ACSS1: variants seen among roughly 807,000 people sequenced by gnomAD.
ACSS1 encodes the protein acetyl-coenzyme A synthetase 2-like, mitochondrial.
ACSS1 carries 42 observed loss-of-function variants against 75.3 expected under a neutral mutation model. The observed-to-expected ratio is 0.56, with a 90% CI of 0.44 to 0.72. The LOEUF is 0.72. Among genes scored for constraint, ACSS1 ranks in the 30% least tolerant of loss-of-function variants. The pLI is 0.00. For synonymous variants in ACSS1, 380 were observed against 376.8 expected (o/e 1.01, Z -0.10); for missense variants, 782 against 935.7 (o/e 0.84, Z 2.14).
At chr20:25,033,622 C>A (rs1600332533) in intron 2 of ACSS1, among the ~76,000 whole-genome samples, 1 of 152,354 alleles carries the variant, frequency 6.6e-6, no homozygotes, top group East Asian at 1.9e-4. Context: ...CCATTCTAGG[C>A]ACCTTGGGAG....
chr20:25,026,430 G>T (rs138385560), intron 3 of ACSS1, among the ~76,000 whole-genome samples: 16 of 152,162 alleles, frequency 1.1e-4, no homozygotes, highest in Non-Finnish European at 2.2e-4. Flanking sequence ...GCCATGTGCT[G>T]CCATGTGACA....
rs997978478 is a variant in ACSS1, at chr20:25,032,603, C to G, written c.432-1645G>C. On this transcript the variant is annotated intron_variant, in intron 2 of 13. Transcript: ENST00000323482. ...CAGACCACCAGCCCGCGACCCCTGC[C>G]CTCTGCAGGGGCCCAGAAAGCAGAC... 30 of 1,235,806 alleles carry G rather than the reference C, an allele frequency of 2.4e-5. No individual in the cohort carries two copies. The Admixed American group carries it at 2.5e-4, about 10-fold the overall frequency. 76.6% of individuals were successfully genotyped at this position (1,235,806 alleles called of 1,614,324 possible). A position where few individuals can be genotyped will look rare whatever the true frequency, so the allele number is the denominator to read the frequency against.
At chr20:25,051,818 A>T (rs1208577465) in intron 1 of ACSS1, among the ~76,000 whole-genome samples, 1 of 152,170 alleles carries the variant, frequency 6.6e-6, no homozygotes, top group East Asian at 1.9e-4. Flanking sequence ...AACCACAGAC[A>T]ATGCACATAT....
chr20:25,055,516 T>C (rs2089229746), intron 1 of ACSS1, among the ~76,000 whole-genome samples: 1 of 152,202 alleles, frequency 6.6e-6, no homozygotes, highest in Non-Finnish European at 1.5e-5. Context: ...TCATCTGCCC[T>C]GGTTTGAGGC....
chr20:25,013,402 ACT>A, intron 10 of ACSS1, 132 bp downstream of exon 10: 1 of 1,223,812 alleles, frequency 8.2e-7, no homozygotes, highest in East Asian at 2.6e-5. Context: ...GCGGAGTCAA[ACT>A]CTGGCCTCGC....
rs1568843562 is a variant in ACSS1, at chr20:25,036,996, A to AAAGGAAGGAAG, written c.432-6039_432-6038insCTTCCTTCCTT. ...AGAAGAAAGAAAGAAAAAGAAAGAAAGAAGAAAGAAAGGAAGGAAGGAAGG... is the reference window on the plus strand; with the variant it reads ...AGAAGAAAGAAAGAAAAAGAAAGAAAAAGGAAGGAAGGAAGAAAGAAAGGAAGGAAGGAAGG... On this transcript the variant is annotated intron_variant, in intron 2 of 13. Transcript: ENST00000323482. Among the ~76,000 whole-genome samples, 3 of 79,240 alleles carry AAAGGAAGGAAG rather than the reference A, an allele frequency of 3.8e-5. No homozygotes were observed. The Admixed American group carries it at 4.6e-4, about 12-fold the overall frequency. The allele number at this position is 79,240 out of a possible 152,430, so 52.0% of individuals were successfully genotyped here.
intron 7 of ACSS1, 129 bp downstream of exon 7, chr20:25,019,881 G>T: frequency 7.3e-7 from 1 of 1,363,132 alleles, no homozygotes; most frequent in South Asian, 1.4e-5. Context: ...ACCAGATCCG[G>T]TCTGGCATTG....
chr20:25,046,949 C>T, intron 2 of ACSS1: 3 of 778,990 alleles, frequency 3.9e-6, no homozygotes, highest in South Asian at 1.3e-5. Context: ...GGAGCCCTGG[C>T]CGAGGCTGGT....
intron 3 of ACSS1, 34 bp downstream of exon 3, chr20:25,030,725 C>A (rs2088807418): frequency 6.2e-7 from 1 of 1,611,424 alleles, no homozygotes; most frequent in Non-Finnish European, 8.5e-7. Flanking sequence ...CAGGGAACTC[C>A]AGGGTTCCTC....
At chr20:25,041,785 C>G (rs78991914) in intron 2 of ACSS1, among the ~76,000 whole-genome samples, 49 of 151,946 alleles carry the variant, frequency 3.2e-4, no homozygotes, top group Admixed American at 2.2e-3. Flanking sequence ...GATGGGCCAC[C>G]GTGGGTGGAA....
chr20:25,008,911 T>C (rs114282905), intron 13 of ACSS1, among the ~76,000 whole-genome samples: 1,992 of 152,320 alleles, frequency 0.013, 45 homozygotes, highest in African/African-American at 0.046. Flanking sequence ...GAAGCCTGCC[T>C]AGGTGAACTC....
chr20:25,046,490 G>T, intron 2 of ACSS1: 1 of 367,958 alleles, frequency 2.7e-6, no homozygotes, highest in Non-Finnish European at 5.1e-6. Flanking sequence ...GCCTGCCCCA[G>T]GGTCCAGGCA....
At chr20:25,015,438 G>A (rs1002188106) in intron 7 of ACSS1, among the ~76,000 whole-genome samples, 1 of 152,158 alleles carries the variant, frequency 6.6e-6, no homozygotes, top group African/African-American at 2.4e-5. Context: ...TGGTATTACA[G>A]GCGCCTGCCA....
At position 25,007,818 on chromosome 20, in the gene ACSS1, C is replaced by T. The variant is rs143890712; in HGVS notation, c.2014G>A (p.Ala672Thr). The change falls in exon 14 of 14, where the codon GCA becomes ACA. Residue 672 changes from alanine to threonine, a missense_variant. Around this residue, in one of 2 missense-constraint regions of ACSS1, gnomAD observed 405 missense variants for 552.6 expected, o/e 0.73. Coordinates refer to ENST00000323482, the MANE Select transcript of ACSS1 (RefSeq NM_032501.4). ...TTCTGGTAGACACTCAGGATCTCTG[C>T]GATGATGCTGGGGTCCTCCAAGGTG... is the stretch of plus-strand genomic sequence containing the variant. Reference protein sequence around the residue: ...TTTLEDPSIIAEILSVYQKCK... With the variant: ...TTTLEDPSIITEILSVYQKCK... 46 of 1,614,064 alleles carry T rather than the reference C, an allele frequency of 2.8e-5. No individual in the cohort carries two copies. The highest frequency in any genetic ancestry group is 1.7e-4 in the African/African-American group (13 of 74,924).
chr20:25,034,038 G>A (rs2088870145), intron 2 of ACSS1, among the ~76,000 whole-genome samples: 1 of 140,450 alleles, frequency 7.1e-6, no homozygotes, highest in Admixed American at 7.0e-5. Context: ...GGCTCCTGAT[G>A]AAGGATTTGA....
At chr20:25,034,439 T>C (rs2088875655) in intron 2 of ACSS1, among the ~76,000 whole-genome samples, 1 of 152,180 alleles carries the variant, frequency 6.6e-6, no homozygotes, top group South Asian at 2.1e-4. Context: ...CCAGGTTCTC[T>C]GGTCGAGCCC....
chr20:25,034,953 C>T (rs577791411), intron 2 of ACSS1, among the ~76,000 whole-genome samples: 8 of 151,828 alleles, frequency 5.3e-5, no homozygotes, highest in Non-Finnish European at 8.8e-5. Context: ...AGTGCAGTGG[C>T]GCGATCTCCA....
intron 1 of ACSS1, among the ~76,000 whole-genome samples, chr20:25,057,379 A>T (rs1414375241): frequency 6.6e-6 from 1 of 152,182 alleles, no homozygotes; most frequent in Non-Finnish European, 1.5e-5. Flanking sequence ...TGGGAACGGG[A>T]AAGTCCCGAC....
In ACSS1 at chr20:25,020,064, C is replaced by T. The variant is rs139812066; in HGVS notation, c.1192G>A (p.Gly398Ser). 15 of 1,614,232 alleles carry T rather than the reference C, an allele frequency of 9.3e-6. No homozygotes were observed. Among genetic ancestry groups the T allele is most frequent in the Middle Eastern group, 1.6e-4 (1 of 6,062 alleles). Residue 398 changes from glycine to serine, a missense_variant, in exon 7 of 14, where the codon GGT becomes AGT. Physicochemically the swap from Gly to Ser is moderately conservative, Grantham distance 56 (BLOSUM62 0). This residue lies in a region of ACSS1 where 405 missense variants were observed against 552.6 expected (regional missense o/e 0.73). Coordinates refer to ENST00000323482, the MANE Select transcript of ACSS1 (RefSeq NM_032501.4). ...PTAVRLLLKYGDAWVKKYDRS... is the reference protein window; with the variant it reads ...PTAVRLLLKYSDAWVKKYDRS... ...TCATACTTCTTCACCCAGGCATCAC[C>T]GTATTTCAGCAACAGCCGGACAGCC... is the stretch of plus-strand genomic sequence containing the variant.
Sources: gnomAD v4.1 joint callset for allele counts (sites outside exome capture counted in the v4.1 genomes callset) on GRCh38, gnomAD v4.1.1 for gene constraint, gnomAD v4.1.1 regional missense constraint, MANE v1.5 for transcripts, NCBI Gene and HGNC (gene_info 2026-07-23, HGNC 2026-07-21) for gene names.